The following PPP2R2B variants were observed in gnomAD, a reference collection of about 807,000 sequenced individuals.
The protein encoded by PPP2R2B is serine/threonine-protein phosphatase 2A 55 kDa regulatory subunit B beta isoform.
Under a neutral mutation model 46.0 loss-of-function variants are expected in PPP2R2B, and 5 were observed. The ratio of observed to expected loss-of-function variants is 0.11; its 90% CI spans 0.06 to 0.23. The LOEUF (loss-of-function observed/expected upper bound fraction) is 0.23. Ranked by LOEUF, PPP2R2B falls within the 10% of genes least tolerant of loss-of-function variation. PPP2R2B has a pLI of 1.00. For synonymous variants in PPP2R2B, 215 were observed against 206.7 expected, an observed-to-expected ratio of 1.04 and a Z score of -0.34; for missense variants, 367 against 575.0, an observed-to-expected ratio of 0.64 and a Z score of 3.70.
rs1770246140 is a variant in PPP2R2B at position 146,587,877 on chromosome 5, T to C, written c.*2070A>G. The C allele has an allele frequency of 6.6e-6, 1 of 152,190 alleles. No homozygotes were observed. Among genetic ancestry groups the C allele is most frequent in the Admixed American group, 6.5e-5 (1 of 15,282 alleles). 9.4% of individuals were successfully genotyped at this position (152,190 alleles called of 1,614,324 possible). A position where few individuals can be genotyped will look rare whatever the true frequency, so the allele number is the denominator to read the frequency against. ...CATGAGTAATAGTACAAATGTGAGT[T>C]GATTCTTAAGTTTGAGATACAATGA... On this transcript the variant is annotated 3_prime_UTR_variant, in exon 10 of 10. Transcript: ENST00000394411.
rs562384459 is a variant in PPP2R2B at position 146,897,818 on chromosome 5, A to AC, written c.79+157846dup. On this transcript the variant is annotated intron_variant, in intron 1 of 8. Transcript: ENST00000336640. ...AAACATAGAGAATAAGAAAAAAAAA[A>AC]CATGGAATTAAAAAATATGGCAAAT... is the stretch of plus-strand genomic sequence containing the variant. Among the ~76,000 whole-genome samples, 386 of 150,448 alleles carry AC rather than the reference A, an allele frequency of 2.6e-3. 3 individuals carry two copies. Among genetic ancestry groups the AC allele is most frequent in the African/African-American group, 9.1e-3 (371 of 40,740 alleles).
chr5:146,703,117 A>C (rs1779641062), intron 2 of PPP2R2B, among the ~76,000 whole-genome samples: 1 of 152,234 alleles, frequency 6.6e-6, no homozygotes, highest in South Asian at 2.1e-4. Context: ...GCTTGAAAGT[A>C]CCAGTGCTAA....
chr5:146,966,470 C>A (rs572980645), intron 1 of PPP2R2B, among the ~76,000 whole-genome samples: 3 of 152,306 alleles, frequency 2.0e-5, no homozygotes, highest in Admixed American at 6.5e-5. Context: ...TCTTACACTG[C>A]GGCTATGTGA....
intron 1 of PPP2R2B, among the ~76,000 whole-genome samples, chr5:147,044,155 C>G (rs1756441887): frequency 6.6e-6 from 1 of 152,092 alleles, no homozygotes; most frequent in East Asian, 1.9e-4. Flanking sequence ...TTAGGCTGTA[C>G]AGAGTATGAA....
intron 1 of PPP2R2B, among the ~76,000 whole-genome samples, chr5:146,958,518 C>T (rs984742052): frequency 1.3e-5 from 2 of 152,168 alleles, no homozygotes; most frequent in African/African-American, 4.8e-5. Flanking sequence ...TTATTCATCA[C>T]TCTTCATGTG....
At chr5:146,764,800 C>CAA (rs1198632323) in intron 2 of PPP2R2B, among the ~76,000 whole-genome samples, 13 of 149,940 alleles carry the variant, frequency 8.7e-5, no homozygotes, top group Non-Finnish European at 1.9e-4. Context: ...ATCTCTATCC[C>CAA]GAGAGAGAGA....
chr5:146,993,902 C>T (rs1753812073), intron 1 of PPP2R2B, among the ~76,000 whole-genome samples: 1 of 152,008 alleles, frequency 6.6e-6, no homozygotes, highest in Non-Finnish European at 1.5e-5. Flanking sequence ...CTCTAAGGAT[C>T]CAGAATTGCT....
At chr5:146,801,429 A>G (rs960639190) in intron 2 of PPP2R2B, among the ~76,000 whole-genome samples, 2 of 152,232 alleles carry the variant, frequency 1.3e-5, no homozygotes, top group African/African-American at 2.4e-5. Context: ...ATCAAGTTGT[A>G]TACCTTAAAT....
intron 1 of PPP2R2B, among the ~76,000 whole-genome samples, chr5:146,928,632 T>G (rs558124563): frequency 6.6e-6 from 1 of 152,224 alleles, no homozygotes; most frequent in African/African-American, 2.4e-5. Flanking sequence ...TTGCAACTGG[T>G]TTTACTACTT....
At chr5:147,062,636 G>T (rs1757292421) in intron 2 of PPP2R2B, among the ~76,000 whole-genome samples, 1 of 152,044 alleles carries the variant, frequency 6.6e-6, no homozygotes, top group Non-Finnish European at 1.5e-5. Flanking sequence ...ATGCCACCGT[G>T]CTCTCTGAGT....
intron 2 of PPP2R2B, among the ~76,000 whole-genome samples, chr5:146,826,348 T>C (rs1445133893): frequency 6.6e-6 from 1 of 152,196 alleles, no homozygotes; most frequent in Non-Finnish European, 1.5e-5. Context: ...AATTAGGAGC[T>C]GGCCAAAACT....
intron 1 of PPP2R2B, among the ~76,000 whole-genome samples, chr5:146,920,395 G>A (rs995140748): frequency 2.0e-5 from 3 of 152,180 alleles, no homozygotes; most frequent in Admixed American, 6.5e-5. Context: ...TGCTTGTTGA[G>A]GCTGTCAACC....
exon 1 of PPP2R2B, chr5:147,055,809 G>T: frequency 6.5e-7 from 1 of 1,544,454 alleles, no homozygotes. Context: ...GATTCTCTCG[G>T]CCTTTTAAGC....
At chr5:146,759,756 C>CTT (rs569890756) in intron 2 of PPP2R2B, among the ~76,000 whole-genome samples, 1 of 143,074 alleles carries the variant, frequency 7.0e-6, no homozygotes. Flanking sequence ...CATTTCTTCC[C>CTT]TTTTTTTTTT....
chr5:147,031,800 A>G (rs562678736), intron 1 of PPP2R2B, among the ~76,000 whole-genome samples: 46 of 152,336 alleles, frequency 3.0e-4, no homozygotes, highest in African/African-American at 9.9e-4. Flanking sequence ...TGGGGAAAGG[A>G]CACTCTTTTC....
intron 2 of PPP2R2B, among the ~76,000 whole-genome samples, chr5:146,812,781 GTGTATA>G (rs1447793832): frequency 6.6e-5 from 1 of 15,200 alleles, no homozygotes; most frequent in Non-Finnish European, 1.3e-4. Context: ...GTGTGTGTGT[GTGTATA>G]TGTGTGTATA....
At chr5:146,790,735 A>G (rs1756144528) in intron 2 of PPP2R2B, among the ~76,000 whole-genome samples, 1 of 152,206 alleles carries the variant, frequency 6.6e-6, no homozygotes, top group Non-Finnish European at 1.5e-5. Context: ...TGCCTCAGAC[A>G]CCTAGATTTT....
intron 5 of PPP2R2B, among the ~76,000 whole-genome samples, chr5:146,669,887 C>G (rs562549007): frequency 2.0e-5 from 3 of 152,084 alleles, no homozygotes; most frequent in Non-Finnish European, 4.4e-5. Context: ...TTTCTGGTGA[C>G]GTTACTATAT....
At position 146,830,077 on chromosome 5, in the gene PPP2R2B, T is replaced by C. The variant is rs374350257; in HGVS notation, c.70+47925A>G. On this transcript the variant is annotated intron_variant, in intron 2 of 9. Transcript: ENST00000394411. ...ACAATGGCTAGTATACAGTCAATGC[T>C]CAATAGATGTTTCTTTTTTATTCTT... Among the ~76,000 whole-genome samples, 6 of 152,230 alleles carry C rather than the reference T, an allele frequency of 3.9e-5. 1 individual carries two copies. The South Asian group carries it at 1.2e-3, about 32-fold the overall frequency.
Sources: allele counts gnomAD v4.1 joint callset (sites outside exome capture counted in the v4.1 genomes callset), GRCh38; gene constraint gnomAD v4.1.1; transcripts MANE v1.5; gene names NCBI Gene and HGNC (gene_info 2026-07-23, HGNC 2026-07-21).